NLRP14: variants seen among roughly 807,000 people sequenced by gnomAD.
NLRP14 encodes the protein NLR family pyrin domain containing 14.
In NLRP14, 105 loss-of-function variants were observed where a neutral mutation model predicts 94.7. The observed-to-expected ratio is 1.11, with a 90% CI of 0.95 to 1.30. NLRP14 has a LOEUF of 1.30. NLRP14 is among the 50% of genes most tolerant of loss of function. The pLI is 0.00. For synonymous variants in NLRP14, 508 were observed against 459.9 expected (o/e 1.10, Z -1.34); for missense variants, 1,362 against 1,254.1 (o/e 1.09, Z -1.30).
intron 1 of NLRP14, among the ~76,000 whole-genome samples, chr11:7,028,312 CTTTT>C (rs879859320): frequency 5.9e-5 from 9 of 152,150 alleles, no homozygotes; most frequent in Non-Finnish European, 1.2e-4. Flanking sequence ...TGACTCCTTT[CTTTT>C]GTCTTACCTC....
chr11:7,022,877 G>A (rs936052059), intron 1 of NLRP14, among the ~76,000 whole-genome samples: 1 of 152,110 alleles, frequency 6.6e-6, no homozygotes, highest in African/African-American at 2.4e-5. Context: ...CCTATGAGAG[G>A]AACTCTCTCA....
At chr11:7,053,731 A>G (rs1212042142) in intron 6 of NLRP14, among the ~76,000 whole-genome samples, 2 of 145,024 alleles carry the variant, frequency 1.4e-5, no homozygotes, top group Non-Finnish European at 3.2e-5. Flanking sequence ...CAAGCATGCA[A>G]TGCATAATAA....
At chr11:7,047,763 C>CT (rs370253823) in intron 5 of NLRP14, among the ~76,000 whole-genome samples, 66,498 of 123,672 alleles carry the variant, frequency 0.54, 19,563 homozygotes, top group East Asian at 0.73. Flanking sequence ...TCTTTCTTTT[C>CT]TTTTCTTTTT....
chr11:7,031,939 T>C (rs943568683), intron 1 of NLRP14, among the ~76,000 whole-genome samples: 1 of 152,164 alleles, frequency 6.6e-6, no homozygotes, highest in Non-Finnish European at 1.5e-5. Context: ...TAGCCTATAG[T>C]GCTTTAGTGC....
the NLRP14 span, chr11:7,089,459 G>T: frequency 1.5e-6 from 2 of 1,317,484 alleles, no homozygotes; most frequent in Non-Finnish European, 9.7e-7. Flanking sequence ...GAACCCGCGG[G>T]GGTGGCGGCG....
chr11:7,046,958 C>A, intron 5 of NLRP14, 126 bp downstream of exon 5: 1 of 782,780 alleles, frequency 1.3e-6, no homozygotes, highest in Admixed American at 1.9e-5. Context: ...GTAAAATAAA[C>A]AGGAACAATG....
chr11:7,049,861 T>A (rs1431056051), intron 6 of NLRP14, 23 bp downstream of exon 6: 6 of 1,604,940 alleles, frequency 3.7e-6, no homozygotes, highest in Non-Finnish European at 5.1e-6. Context: ...TTGTTTTGTC[T>A]TGTTTTGTTT....
At chr11:7,068,509 A>G (rs1852741998) in intron 10 of NLRP14, among the ~76,000 whole-genome samples, 2 of 152,186 alleles carry the variant, frequency 1.3e-5, no homozygotes, top group Admixed American at 6.5e-5. Flanking sequence ...TTAATTTTCA[A>G]GCATGAGGCT....
At chr11:7,090,078 A>C in the NLRP14 span, 3 of 1,611,502 alleles carry the variant, frequency 1.9e-6, no homozygotes, top group Non-Finnish European at 1.7e-6. Context: ...CGATGCCTAC[A>C]GCGGCGGCCG....
At chr11:7,040,340 C>G (rs969232) in intron 3 of NLRP14, among the ~76,000 whole-genome samples, 15,019 of 152,258 alleles carry the variant, frequency 0.099, 784 homozygotes, top group Admixed American at 0.16. Context: ...CCTGTCAGAT[C>G]AGCAGCTGCT....
At chr11:7,057,653 C>T in intron 6 of NLRP14, 24 bp from the exon 7 acceptor site, 2 of 1,608,864 alleles carry the variant, frequency 1.2e-6, no homozygotes, top group Non-Finnish European at 1.7e-6. Flanking sequence ...GTGGTCATTC[C>T]TGCTTTTCTG....
the NLRP14 span, chr11:7,089,086 C>A: frequency 3.7e-6 from 6 of 1,601,812 alleles, no homozygotes; most frequent in Admixed American, 3.4e-5. Context: ...CTCACCGCCT[C>A]CCACCGCCAC....
At chr11:7,036,196 C>T (rs949602811) in intron 1 of NLRP14, among the ~76,000 whole-genome samples, 1 of 152,148 alleles carries the variant, frequency 6.6e-6, no homozygotes, top group Admixed American at 6.5e-5. Flanking sequence ...CCTCATAGAC[C>T]ATGGGTTCCC....
At position 7,025,678 on chromosome 11, in the gene NLRP14, G is replaced by A. The variant is rs188347176; in HGVS notation, c.-22+4908G>A. Among the ~76,000 whole-genome samples, 145 of 152,142 alleles carry A rather than the reference G, an allele frequency of 9.5e-4. No homozygotes were observed. The Middle Eastern group carries it at 0.017, about 18-fold the overall frequency. On this transcript the variant is annotated intron_variant, in intron 1 of 11. Transcript: ENST00000299481. Reference sequence around the variant, plus strand: ...CTGTGAGGTGAGTAAAAAAAGATACGAGGCAAATGAGCAAAAATGTCAAAT... The same window carrying A: ...CTGTGAGGTGAGTAAAAAAAGATACAAGGCAAATGAGCAAAAATGTCAAAT...
chr11:7,080,479 G>A, the NLRP14 span, among the ~76,000 whole-genome samples: 5 of 152,060 alleles, frequency 3.3e-5, no homozygotes, highest in African/African-American at 1.2e-4. Context: ...GAAATAACCA[G>A]GTCCATGCAT....
chr11:7,070,413 T>A lies in NLRP14; in HGVS notation c.3103T>A (p.Tyr1035Asn), dbSNP rs776275394. Residue 1035 changes from tyrosine to asparagine, a missense_variant, in exon 11 of 12, where the codon TAT becomes AAT. Transcript: ENST00000299481. ...TLGYEGIVKL[Y>N]KVLKSPKCKL... Reference sequence around the variant, plus strand: ...AGGATATGAAGGAATTGTGAAGTTATATAAAGTCTTGAAGTCTCCTAAGTG... The same window carrying A: ...AGGATATGAAGGAATTGTGAAGTTAAATAAAGTCTTGAAGTCTCCTAAGTG... The A allele has an allele frequency of 6.2e-7, 1 of 1,611,692 alleles. No homozygotes were observed.
Position 7,039,786 on chromosome 11 carries a change from G to C in NLRP14, c.361+1G>C. The C allele has an allele frequency of 6.2e-7, 1 of 1,611,658 alleles. No homozygotes were observed. The highest frequency in any genetic ancestry group is 1.3e-5 in the African/African-American group (1 of 74,998). The stretch of plus-strand genomic sequence containing the variant: ...CAAGAAGATCAGGAGGCAGTGCTGG[G>C]TGAGTAGTTAGGCCTTTCATCAGAT... On this transcript the variant is annotated splice_donor_variant, in intron 3 of 11. Transcript: ENST00000299481. LOFTEE classifies it high-confidence loss of function.
chr11:7,052,411 T>C (rs1391379124), intron 6 of NLRP14, among the ~76,000 whole-genome samples: 2 of 152,166 alleles, frequency 1.3e-5, no homozygotes, highest in African/African-American at 4.8e-5. Flanking sequence ...CAACCTTGGA[T>C]CACTTGAGGC....
At position 7,038,867 on chromosome 11, in the gene NLRP14, A is replaced by C; in HGVS notation, c.281A>C (p.Glu94Ala). Residue 94 changes from glutamate to alanine, a missense_variant, in exon 2 of 12, where the codon GAG becomes GCG. Transcript: ENST00000299481. The part of the protein sequence containing the change: ...LKDLCERAKE[E>A]INWSAQTIGP... ...GATCTGTGTGAGAGAGCGAAAGAAG[A>C]GATCAACTGTGAGTGATGCTAGGGG... The C allele has an allele frequency of 6.2e-7, 1 of 1,613,316 alleles. No individual in the cohort carries two copies. The highest frequency in any genetic ancestry group is 1.1e-5 in the South Asian group (1 of 90,840).
Sources: allele counts gnomAD v4.1 joint callset (sites outside exome capture counted in the v4.1 genomes callset), GRCh38; gene constraint gnomAD v4.1.1; transcripts MANE v1.5; gene names NCBI Gene and HGNC (gene_info 2026-07-23, HGNC 2026-07-21).